ARPP21: variants seen among roughly 807,000 people sequenced by gnomAD.
The protein encoded by ARPP21 is cAMP-regulated phosphoprotein 21.
A neutral mutation model predicts 113.2 loss-of-function variants in ARPP21; 69 were observed. That is an observed-to-expected ratio of 0.61 (90% CI 0.50 to 0.74). The LOEUF (loss-of-function observed/expected upper bound fraction) is 0.74, where lower values mean the gene tolerates loss of function less well. ARPP21 is among the 30% of genes least tolerant of loss of function. ARPP21 has a pLI of 0.00. For synonymous variants in ARPP21, 368 were observed against 375.5 expected, an observed-to-expected ratio of 0.98 and a Z score of 0.23; for missense variants, 1,070 against 1,037.4, an observed-to-expected ratio of 1.03 and a Z score of -0.43.
intron 3 of ARPP21, among the ~76,000 whole-genome samples, chr3:35,682,123 TC>T (rs770031941): frequency 2.0e-5 from 3 of 151,840 alleles, no homozygotes; most frequent in Non-Finnish European, 2.9e-5. Flanking sequence ...GCACACAGCA[TC>T]CCCTTACCAA....
intron 12 of ARPP21, among the ~76,000 whole-genome samples, chr3:35,716,482 TAAC>T (rs2092416591): frequency 6.6e-6 from 1 of 152,036 alleles, no homozygotes; most frequent in African/African-American, 2.4e-5. Context: ...CTTAATAGAA[TAAC>T]CTCTTCAGAA....
At position 35,739,487 on chromosome 3, in the gene ARPP21, A is replaced by T. The variant is rs1576476831; in HGVS notation, c.1920A>T (p.Gly640=). The part of the protein sequence containing the change: ...ASTGQQLPTG[G]FSGSGPPISQ... Reference sequence around the variant, plus strand: ...CAGGCCAGCAGCTTCCTACAGGAGGATTCTCAGGCTCTGGCCCTCCCATCT... The same window carrying T: ...CAGGCCAGCAGCTTCCTACAGGAGGTTTCTCAGGCTCTGGCCCTCCCATCT... Residue 640 remains glycine (G), a synonymous_variant, in exon 18 of 21, where the codon GGA becomes GGT. Coordinates refer to ENST00000684406, the MANE Select transcript of ARPP21 (RefSeq NM_001385562.1). The T allele has an allele frequency of 6.2e-7, 1 of 1,613,918 alleles. No individual in the cohort carries two copies. Among genetic ancestry groups the T allele is most frequent in the African/African-American group, 1.3e-5 (1 of 74,876 alleles).
At chr3:35,776,228 T>C (rs1047074165) in intron 19 of ARPP21, among the ~76,000 whole-genome samples, 2 of 152,324 alleles carry the variant, frequency 1.3e-5, no homozygotes, top group Admixed American at 1.3e-4. Flanking sequence ...ATTGAAATAT[T>C]ATGCTTTCTT....
chr3:35,647,570 G>T (rs1385980385), intron 1 of ARPP21, among the ~76,000 whole-genome samples: 1 of 152,104 alleles, frequency 6.6e-6, no homozygotes, highest in African/African-American at 2.4e-5. Flanking sequence ...ACAAAATTAG[G>T]ATTAAAATGA....
intron 9 of ARPP21, among the ~76,000 whole-genome samples, chr3:35,697,748 T>G (rs974197201): frequency 6.6e-6 from 1 of 151,662 alleles, no homozygotes; most frequent in African/African-American, 2.4e-5. Context: ...CCTCGGTGTT[T>G]GGCCCTTAAG....
At chr3:35,735,035 G>C (rs2094253291) in intron 15 of ARPP21, among the ~76,000 whole-genome samples, 1 of 152,130 alleles carries the variant, frequency 6.6e-6, no homozygotes. Context: ...GTCTGTTCTT[G>C]TATGAATATC....
chr3:35,779,267 C>A (rs1559939504), intron 19 of ARPP21, among the ~76,000 whole-genome samples: 2 of 152,064 alleles, frequency 1.3e-5, no homozygotes, highest in Admixed American at 6.6e-5. Flanking sequence ...GCTTTTTCTC[C>A]CAATTATGAA....
chr3:35,777,812 A>T (rs1028421811), intron 19 of ARPP21, among the ~76,000 whole-genome samples: 1 of 152,178 alleles, frequency 6.6e-6, no homozygotes, highest in Non-Finnish European at 1.5e-5. Context: ...CTTGAGATGA[A>T]TCATAATTTA....
At chr3:35,673,857 G>C (rs1225848022) in intron 1 of ARPP21, among the ~76,000 whole-genome samples, 1 of 151,896 alleles carries the variant, frequency 6.6e-6, no homozygotes, top group Non-Finnish European at 1.5e-5. Flanking sequence ...AAGAAGAAAA[G>C]AGTTCATGTC....
chr3:35,753,887 G>A (rs2095484753), intron 19 of ARPP21, among the ~76,000 whole-genome samples: 1 of 151,602 alleles, frequency 6.6e-6, no homozygotes, highest in South Asian at 2.1e-4. Flanking sequence ...TTTAACCAAA[G>A]CAGTTGAGTA....
intron 19 of ARPP21, among the ~76,000 whole-genome samples, chr3:35,762,306 C>A (rs1335384287): frequency 6.6e-6 from 1 of 151,986 alleles, no homozygotes; most frequent in Non-Finnish European, 1.5e-5. Context: ...TGGACTATAT[C>A]TTGAACATGT....
At chr3:35,680,045 C>T (rs886406613) in intron 2 of ARPP21, 85 bp downstream of exon 2, 8 of 152,328 alleles carry the variant, frequency 5.3e-5, no homozygotes, top group African/African-American at 1.9e-4. Flanking sequence ...TCCAGCAGTT[C>T]ACTGAATGTA....
intron 7 of ARPP21, among the ~76,000 whole-genome samples, 160 bp downstream of exon 7, chr3:35,689,545 A>C (rs1313403764): frequency 1.3e-5 from 2 of 151,536 alleles, no homozygotes; most frequent in Non-Finnish European, 3.0e-5. Context: ...AATCGTTTGC[A>C]TGTTTACTTT....
intron 11 of ARPP21, among the ~76,000 whole-genome samples, chr3:35,711,093 C>G (rs1328998343): frequency 6.6e-6 from 1 of 152,186 alleles, no homozygotes; most frequent in African/African-American, 2.4e-5. Flanking sequence ...CTTCTTCTCT[C>G]TGTAGGAATA....
At chr3:35,669,563 GC>G (rs1182878288) in intron 1 of ARPP21, among the ~76,000 whole-genome samples, 2 of 152,030 alleles carry the variant, frequency 1.3e-5, no homozygotes, top group African/African-American at 2.4e-5. Flanking sequence ...TTTGTGTAAT[GC>G]CAGATTTTCA....
At position 35,690,077 on chromosome 3, in the gene ARPP21, G is replaced by T. The variant is rs1385538928; in HGVS notation, c.486-4G>T. On this transcript the variant is annotated splice_region_variant and splice_polypyrimidine_tract_variant and intron_variant, in intron 7 of 20. Transcript: ENST00000684406. ...ACCTTTTAAATTTAACATTTATTTTGCAGGGACAGGATGATACTTTTGAAA... is the reference window on the plus strand; with the variant it reads ...ACCTTTTAAATTTAACATTTATTTTTCAGGGACAGGATGATACTTTTGAAA... 5.4e-6 allele frequency: 7 copies of T among 1,298,262 alleles called. No homozygotes were observed. Among genetic ancestry groups the T allele is most frequent in the Non-Finnish European group, 7.8e-6 (7 of 894,286 alleles). 80.4% of individuals were successfully genotyped at this position (1,298,262 alleles called of 1,614,324 possible). A position where few individuals can be genotyped will look rare whatever the true frequency, so the allele number is the denominator to read the frequency against.
At chr3:35,691,130 T>C in intron 9 of ARPP21, 125 bp downstream of exon 9, 2 of 1,018,024 alleles carry the variant, frequency 2.0e-6, no homozygotes, top group South Asian at 2.3e-5. Flanking sequence ...TCTCTTGCTC[T>C]TATCAGAAGT....
intron 19 of ARPP21, among the ~76,000 whole-genome samples, chr3:35,768,758 C>G (rs2096078610): frequency 6.6e-6 from 1 of 152,160 alleles, no homozygotes; most frequent in African/African-American, 2.4e-5. Flanking sequence ...TAAATCATTA[C>G]CATAATACAG....
chr3:35,660,278 A>T (rs1291809032), intron 1 of ARPP21, among the ~76,000 whole-genome samples: 1 of 152,114 alleles, frequency 6.6e-6, no homozygotes, highest in Non-Finnish European at 1.5e-5. Flanking sequence ...TTCTGAATAA[A>T]ACACAAGATG....
Sources: allele counts gnomAD v4.1 joint callset (sites outside exome capture counted in the v4.1 genomes callset), GRCh38; gene constraint gnomAD v4.1.1; transcripts MANE v1.5; gene names NCBI Gene and HGNC (gene_info 2026-07-23, HGNC 2026-07-21).